Variants in BFSP1 observed in about 807,000 individuals in gnomAD.
BFSP1 encodes the protein filensin.
A neutral mutation model predicts 43.9 loss-of-function variants in BFSP1; 38 were observed. The observed-to-expected ratio is 0.87, with a 90% CI of 0.67 to 1.14. The LOEUF is 1.14. BFSP1 is among the 50% of genes most tolerant of loss of function. The probability of loss-of-function intolerance (pLI) is 0.00; values close to 1 mark genes in which losing one functional copy is unlikely to be tolerated. For missense variants in BFSP1, 850 were observed against 875.1 expected (o/e 0.97, Z 0.36); for synonymous variants, 352 against 354.8 (o/e 0.99, Z 0.09).
At chr20:17,513,686 G>C (rs922085721) in intron 3 of BFSP1, among the ~76,000 whole-genome samples, 5 of 152,242 alleles carry the variant, frequency 3.3e-5, no homozygotes, top group African/African-American at 1.2e-4. Flanking sequence ...CGTAGTTTGG[G>C]TTTCCCCAGA....
In BFSP1 at chr20:17,513,478, G is replaced by T. The variant is rs1000651070; in HGVS notation, c.534+1243C>A. On this transcript the variant is annotated intron_variant, in intron 3 of 7. Transcript: ENST00000377873. The stretch of plus-strand genomic sequence containing the variant: ...AAAACTGGCCCAGGCACTGTTCCCA[G>T]GATTCCATCAAGTAGGGTAGAAGCA... Among the ~76,000 whole-genome samples the T allele has an allele frequency of 2.6e-5, 4 of 152,204 alleles. No homozygotes were observed. The East Asian group carries it at 7.7e-4, about 29-fold the overall frequency.
intron 1 of BFSP1, among the ~76,000 whole-genome samples, chr20:17,547,727 T>A (rs1294772797): frequency 7.9e-6 from 1 of 127,210 alleles, no homozygotes; most frequent in African/African-American, 2.6e-5. Flanking sequence ...TTTTTTTCTT[T>A]TTCTTTCTTT....
intron 1 of BFSP1, among the ~76,000 whole-genome samples, chr20:17,551,854 G>A (rs973728801): frequency 2.0e-5 from 3 of 151,826 alleles, no homozygotes; most frequent in South Asian, 2.1e-4. Context: ...GCATGGTGGC[G>A]GGCACCTGTA....
At chr20:17,518,534 C>T (rs2034251869) in intron 2 of BFSP1, among the ~76,000 whole-genome samples, 1 of 152,186 alleles carries the variant, frequency 6.6e-6, no homozygotes, top group South Asian at 2.1e-4. Flanking sequence ...GGCCTTCCTA[C>T]CGCAGGGGAA....
intron 1 of BFSP1, among the ~76,000 whole-genome samples, chr20:17,529,095 CAG>C (rs762022118): frequency 3.8e-5 from 4 of 105,674 alleles, no homozygotes; most frequent in Non-Finnish European, 5.5e-5. Flanking sequence ...GTGTGTGAGA[CAG>C]AGTCTCACTC....
At position 17,494,500 on chromosome 20, in the gene BFSP1, C is replaced by A. The variant is rs776524528; in HGVS notation, c.1572G>T (p.Gly524=). 4 of 1,614,224 alleles carry A rather than the reference C, an allele frequency of 2.5e-6. No homozygotes were observed. Among genetic ancestry groups the A allele is most frequent in the Admixed American group, 3.3e-5 (2 of 60,030 alleles). Residue 524 remains glycine, a synonymous_variant, in exon 8 of 8, where the codon GGG becomes GGT. Coordinates refer to ENST00000377873, the MANE Select transcript of BFSP1 (RefSeq NM_001195.5). ...CTTCTTTCTCCTGCAGACCCACCTG[C>A]CCATTCTCTAAAGGGGGCTTGGGTG... ...PESPKPPLEN[G]QVGLQEKEDG...
At chr20:17,558,924 G>A (rs1384292697) in exon 1 of BFSP1, 2 of 428,750 alleles carry the variant, frequency 4.7e-6, no homozygotes, top group Non-Finnish European at 8.0e-6. Flanking sequence ...GAATATAAAT[G>A]AGCAAGCAAT....
intron 1 of BFSP1, among the ~76,000 whole-genome samples, chr20:17,536,605 C>A (rs1458572560): frequency 6.6e-6 from 1 of 152,210 alleles, no homozygotes; most frequent in African/African-American, 2.4e-5. Flanking sequence ...TTTTTCTTCA[C>A]TAACAAATAT....
intron 5 of BFSP1, among the ~76,000 whole-genome samples, chr20:17,505,209 T>C (rs74420760): frequency 0.091 from 13,866 of 152,244 alleles, 779 homozygotes; most frequent in African/African-American, 0.16. Flanking sequence ...AAGGAGAGGC[T>C]TCCAGCTTCC....
At chr20:17,561,430 T>C (rs570332806), upstream of BFSP1, among the ~76,000 whole-genome samples, 3 of 149,366 alleles carry the variant, frequency 2.0e-5, no homozygotes, top group African/African-American at 7.4e-5. Context: ...ACCCGGGAGG[T>C]AGAGGTTGCA....
rs752686237 is a variant in BFSP1, at chr20:17,530,983, G to T, written c.347C>A (p.Ala116Glu). 2 of 1,437,896 alleles carry T rather than the reference G, an allele frequency of 1.4e-6. No individual in the cohort carries two copies. Among genetic ancestry groups the T allele is most frequent in the Admixed American group, 2.7e-5 (1 of 36,722 alleles). 89.1% of individuals were successfully genotyped at this position (1,437,896 alleles called of 1,614,324 possible). A position where few individuals can be genotyped will look rare whatever the true frequency, so the allele number is the denominator to read the frequency against. ...TCGGAACTCGTCGAGCGCGCGCTGC[G>T]CCTCGGTGCCCTGGCGCTCCAGCCG... ...RARLERQGTE[A>E]QRALDEFRSK... The change falls in exon 1 of 8, where the codon GCG (alanine) becomes GAG (glutamate). Residue 116 changes from alanine to glutamate, a missense_variant. Physicochemically the swap from Ala to Glu is moderately radical, Grantham distance 107. Transcript: ENST00000377873.
intron 1 of BFSP1, chr20:17,558,669 C>T (rs375936816): frequency 5.2e-6 from 8 of 1,550,914 alleles, no homozygotes; most frequent in African/African-American, 4.1e-5. Context: ...CAACACTTGC[C>T]GTTTATCAGA....
chr20:17,558,589 T>C (rs1029464570), intron 1 of BFSP1: 14 of 1,320,492 alleles, frequency 1.1e-5, no homozygotes, highest in Non-Finnish European at 9.4e-6. Flanking sequence ...ACCCGCTTGC[T>C]GTACCTTCTA....
intron 5 of BFSP1, among the ~76,000 whole-genome samples, chr20:17,499,967 T>G (rs1195876472): frequency 6.6e-6 from 1 of 152,166 alleles, no homozygotes; most frequent in South Asian, 2.1e-4. Flanking sequence ...ATATGTATAA[T>G]TCAAATAAAG....
At chr20:17,549,196 C>T (rs939497962) in intron 1 of BFSP1, among the ~76,000 whole-genome samples, 1 of 152,170 alleles carries the variant, frequency 6.6e-6, no homozygotes, top group African/African-American at 2.4e-5. Context: ...CCTTCTCAGC[C>T]TCTAGAACGA....
chr20:17,494,391 C>T lies in BFSP1; in HGVS notation c.1681G>A (p.Glu561Lys), dbSNP rs765719440. The T allele has an allele frequency of 1.9e-6, 3 of 1,614,242 alleles. No homozygotes were observed. Among genetic ancestry groups the T allele is most frequent in the Admixed American group, 3.3e-5 (2 of 60,026 alleles). Residue 561 changes from glutamate (E) to lysine (K), a missense_variant, in exon 8 of 8, where the codon GAG becomes AAG. Physicochemically the swap from Glu to Lys is moderately conservative, Grantham distance 56. Coordinates refer to ENST00000377873, the MANE Select transcript of BFSP1 (RefSeq NM_001195.5). ...AELEGPEEKR[E>K]GEERDEESRR... ...GACTCTTCGTCCCGCTCCTCACCCT[C>T]ACGTTTCTCTTCAGGGCCTTCCAGC...
intron 2 of BFSP1, among the ~76,000 whole-genome samples, chr20:17,521,740 A>G (rs1472885233): frequency 3.3e-5 from 5 of 152,142 alleles, no homozygotes; most frequent in South Asian, 4.1e-4. Flanking sequence ...CTTATCTGGG[A>G]GGTGATCCCA....
chr20:17,553,181 A>G (rs1568717520), intron 1 of BFSP1, among the ~76,000 whole-genome samples: 1 of 152,108 alleles, frequency 6.6e-6, no homozygotes, highest in Non-Finnish European at 1.5e-5. Context: ...AAGTGTTTCA[A>G]AGTGAAGAGA....
intron 1 of BFSP1, among the ~76,000 whole-genome samples, chr20:17,545,294 C>T (rs1292883270): frequency 1.3e-5 from 2 of 152,136 alleles, no homozygotes; most frequent in Non-Finnish European, 2.9e-5. Flanking sequence ...GTAGGGTATG[C>T]AGGTGGCATA....
Sources: allele counts gnomAD v4.1 joint callset (sites outside exome capture counted in the v4.1 genomes callset), GRCh38; gene constraint gnomAD v4.1.1; transcripts MANE v1.5; gene names NCBI Gene and HGNC (gene_info 2026-07-23, HGNC 2026-07-21).